The following KCND2 variants were observed in gnomAD, a reference collection of about 807,000 sequenced individuals.
The protein encoded by KCND2 is A-type voltage-gated potassium channel KCND2.
KCND2 carries 16 observed loss-of-function variants against 54.4 expected under a neutral mutation model. The observed-to-expected ratio is 0.29, with a 90% CI of 0.20 to 0.45. KCND2 has a LOEUF of 0.45. Ranked by LOEUF, KCND2 falls within the 20% of genes least tolerant of loss-of-function variation. The pLI is 1.00. For synonymous variants in KCND2, 317 were observed against 310.7 expected, an observed-to-expected ratio of 1.02 and a Z score of -0.21; for missense variants, 486 against 824.2, an observed-to-expected ratio of 0.59 and a Z score of 5.02.
intron 1 of KCND2, among the ~76,000 whole-genome samples, chr7:120,294,757 C>T (rs1448054179): frequency 1.3e-5 from 2 of 151,682 alleles, no homozygotes; most frequent in Non-Finnish European, 3.0e-5. Flanking sequence ...AACACTTATT[C>T]ATCTTATTGT....
At chr7:120,630,338 G>A (rs557641779) in intron 1 of KCND2, among the ~76,000 whole-genome samples, 1 of 152,206 alleles carries the variant, frequency 6.6e-6, no homozygotes, top group East Asian at 1.9e-4. Context: ...ACAGTGATTT[G>A]AAAAGTTAAA....
intron 1 of KCND2, among the ~76,000 whole-genome samples, chr7:120,373,143 A>T (rs1800786190): frequency 6.6e-6 from 1 of 151,872 alleles, no homozygotes; most frequent in South Asian, 2.1e-4. Context: ...GATATAACTT[A>T]TTTAATTTTT....
chr7:120,494,517 T>A (rs1235501818), intron 1 of KCND2, among the ~76,000 whole-genome samples: 1 of 152,132 alleles, frequency 6.6e-6, no homozygotes, highest in Non-Finnish European at 1.5e-5. Context: ...TAGGCATGGA[T>A]CAATATAGAA....
rs1003193519 is a variant in KCND2, at chr7:120,635,955, G to A, written c.1116-96948G>A. Among the ~76,000 whole-genome samples the A allele has an allele frequency of 3.3e-5, 5 of 152,086 alleles. No homozygotes were observed. In the South Asian group the frequency reaches 6.2e-4, roughly 19 times the overall value. On this transcript the variant is annotated intron_variant, in intron 1 of 5. Coordinates refer to ENST00000331113, the MANE Select transcript of KCND2 (RefSeq NM_012281.3). The stretch of plus-strand genomic sequence containing the variant: ...GATGAATATTCATTTGTTTGCCTGG[G>A]GCTAGGGATATTTATATAAAAATCT...
chr7:120,583,622 C>G (rs1214986711), intron 1 of KCND2, among the ~76,000 whole-genome samples: 1 of 152,064 alleles, frequency 6.6e-6, no homozygotes, highest in East Asian at 1.9e-4. Flanking sequence ...TTCTGTGCCT[C>G]TCTGTGTCTA....
chr7:120,711,323 A>G (rs1402347610), intron 1 of KCND2, among the ~76,000 whole-genome samples: 1 of 152,116 alleles, frequency 6.6e-6, no homozygotes, highest in East Asian at 1.9e-4. Flanking sequence ...ATTCTATGTA[A>G]TATTTATTAT....
In KCND2 at chr7:120,284,301, A is replaced by G. The variant is rs1462845307; in HGVS notation, c.1115+8554A>G. On this transcript the variant is annotated intron_variant, in intron 1 of 5. Transcript: ENST00000331113. Reference sequence around the variant, plus strand: ...CACACACACACATGCACACGCACACACACACACGCGCGCACACTCCAACCA... The same window carrying G: ...CACACACACACATGCACACGCACACGCACACACGCGCGCACACTCCAACCA... Among the ~76,000 whole-genome samples the G allele has an allele frequency of 2.0e-5, 3 of 151,998 alleles. No homozygotes were observed. In the East Asian group the frequency reaches 5.8e-4, roughly 29 times the overall value.
chr7:120,628,234 G>C (rs954920855), intron 1 of KCND2, among the ~76,000 whole-genome samples: 1 of 152,188 alleles, frequency 6.6e-6, no homozygotes, highest in African/African-American at 2.4e-5. Flanking sequence ...TTCTGATTCA[G>C]TCTCCTCTCG....
intron 1 of KCND2, among the ~76,000 whole-genome samples, chr7:120,587,709 C>T (rs1011489799): frequency 6.6e-6 from 1 of 152,180 alleles, no homozygotes; most frequent in African/African-American, 2.4e-5. Context: ...AAGCTTCTAT[C>T]TTCACAATGA....
At chr7:120,539,522 G>A (rs1320629618) in intron 1 of KCND2, among the ~76,000 whole-genome samples, 1 of 152,136 alleles carries the variant, frequency 6.6e-6, no homozygotes, top group East Asian at 1.9e-4. Context: ...GGCTCTCCAC[G>A]GCACTTGCTG....
chr7:120,360,745 C>T (rs1171038616), intron 1 of KCND2, among the ~76,000 whole-genome samples: 2 of 151,900 alleles, frequency 1.3e-5, no homozygotes, highest in Non-Finnish European at 2.9e-5. Context: ...AATCTTGACG[C>T]CAGTGTTACA....
chr7:120,675,855 CTTTTT>C (rs58226731), intron 1 of KCND2, among the ~76,000 whole-genome samples: 1 of 121,542 alleles, frequency 8.2e-6, no homozygotes. Context: ...TCTTTCTATT[CTTTTT>C]TTTTTTTTTT....
intron 1 of KCND2, among the ~76,000 whole-genome samples, chr7:120,297,350 A>T (rs973218825): frequency 6.6e-6 from 1 of 151,956 alleles, no homozygotes; most frequent in African/African-American, 2.4e-5. Context: ...TAAAATAATG[A>T]CCTCCACTTA....
Position 120,273,245 on chromosome 7 carries a change from G to A in KCND2, c.-1388G>A, listed in dbSNP as rs1415036802. Reference sequence around the variant, plus strand: ...TCCTTATTTATTGATCGCACTAGCAGAGCAGCGCGGGGAGCCCGGGGAGAT... The same window carrying A: ...TCCTTATTTATTGATCGCACTAGCAAAGCAGCGCGGGGAGCCCGGGGAGAT... On this transcript the variant is annotated 5_prime_UTR_variant, in exon 1 of 6. Transcript: ENST00000331113. Among the ~76,000 whole-genome samples, 1 of 151,900 alleles carries A rather than the reference G, an allele frequency of 6.6e-6. No homozygotes were observed. The highest frequency in any genetic ancestry group is 1.5e-5 in the Non-Finnish European group (1 of 67,902).
intron 1 of KCND2, among the ~76,000 whole-genome samples, chr7:120,651,420 A>G (rs987452797): frequency 2.6e-5 from 4 of 152,178 alleles, no homozygotes; most frequent in African/African-American, 7.2e-5. Flanking sequence ...CCAGCCATGC[A>G]CGGGATATAA....
At chr7:120,649,941 G>A (rs560296538) in intron 1 of KCND2, among the ~76,000 whole-genome samples, 76 of 152,042 alleles carry the variant, frequency 5.0e-4, no homozygotes, top group Non-Finnish European at 9.0e-4. Context: ...TTGAATATTG[G>A]CCCCCACTCT....
chr7:120,358,988 G>A (rs938312641), intron 1 of KCND2, among the ~76,000 whole-genome samples: 6 of 152,138 alleles, frequency 3.9e-5, no homozygotes, highest in South Asian at 2.1e-4. Context: ...TGTGGCATAG[G>A]TCAGATACTT....
chr7:120,578,528 G>T (rs1792469019), intron 1 of KCND2, among the ~76,000 whole-genome samples: 1 of 152,012 alleles, frequency 6.6e-6, no homozygotes, highest in South Asian at 2.1e-4. Flanking sequence ...AAGAAATAAA[G>T]TTTGTCCAGC....
Position 120,643,620 on chromosome 7 carries a change from GATCA to G in KCND2, c.1116-89278_1116-89275del, listed in dbSNP as rs1465200777. Among the ~76,000 whole-genome samples the G allele has an allele frequency of 9.2e-5, 14 of 152,052 alleles. No individual in the cohort carries two copies. The East Asian group carries it at 2.7e-3, about 29-fold the overall frequency. On this transcript the variant is annotated intron_variant, in intron 1 of 5. Transcript: ENST00000331113. ...TATTAGAAGCCAAAGTCCTTTGAAAGATCAATCATTGCTTGAAAGACTGATAAAT... is the reference window on the plus strand; with the variant it reads ...TATTAGAAGCCAAAGTCCTTTGAAAGATCATTGCTTGAAAGACTGATAAAT...
Sources: allele counts gnomAD v4.1 joint callset (sites outside exome capture counted in the v4.1 genomes callset), GRCh38; gene constraint gnomAD v4.1.1; transcripts MANE v1.5; gene names NCBI Gene and HGNC (gene_info 2026-07-23, HGNC 2026-07-21).